BNIP3: variants seen among roughly 807,000 people sequenced by gnomAD.
BNIP3 encodes BCL2 interacting protein 3, also known as BCL2/adenovirus E1B 19 kDa protein-interacting protein 3.
Under a neutral mutation model 23.9 loss-of-function variants are expected in BNIP3, and 16 were observed. That is an observed-to-expected ratio of 0.67 (90% CI 0.45 to 1.01). The LOEUF is 1.01. Ranked by LOEUF, BNIP3 falls within the 50% of genes least tolerant of loss-of-function variation. BNIP3 has a pLI of 0.00. For missense variants in BNIP3, 198 were observed against 248.7 expected (o/e 0.80, Z 1.37); for synonymous variants, 81 against 89.3 (o/e 0.91, Z 0.53).
Position 131,975,187 on chromosome 10 carries a change from C to T in BNIP3, c.47-1244G>A, listed in dbSNP as rs569322940. ...GATTAATTTTCCCATTGATGTGAGA[C>T]GGATGCCCCATTTACTGCAGACAGC... On this transcript the variant is annotated intron_variant, in intron 1 of 5. Transcript: ENST00000368636. Among the ~76,000 whole-genome samples, 18 of 152,332 alleles carry T rather than the reference C, an allele frequency of 1.2e-4. 1 individual carries two copies. Among genetic ancestry groups the T allele is most frequent in the Admixed American group, 3.9e-4 (6 of 15,304 alleles).
At chr10:131,968,704 T>C (rs1235930986) in intron 5 of BNIP3, 135 bp from the exon 6 acceptor site, 12 of 644,492 alleles carry the variant, frequency 1.9e-5, no homozygotes, top group Non-Finnish European at 3.0e-5. Context: ...TATAAAAATT[T>C]TGTAATGAAT....
In BNIP3 at chr10:131,973,057, T is replaced by C; in HGVS notation, c.259A>G (p.Ile87Val). 6.2e-7 allele frequency: 1 copy of C among 1,613,808 alleles called. No individual in the cohort carries two copies. The highest frequency in any genetic ancestry group is 1.1e-5 in the South Asian group (1 of 91,090). The part of the protein sequence containing the change: ...NRASETDTHS[I>V]GEKNSSQSEE... ...ACCTGTGAGCTGTTTTTCTCTCCAA[T>C]GCTATGGGTATCTGTTTCAGAAGCT... Residue 87 changes from isoleucine to valine, a missense_variant, in exon 3 of 6, where the codon ATT (isoleucine) becomes GTT (valine). Physicochemically the swap from Ile to Val is conservative, Grantham distance 29. Coordinates refer to ENST00000368636, the MANE Select transcript of BNIP3 (RefSeq NM_004052.4).
intron 3 of BNIP3, 90 bp downstream of exon 3, chr10:131,972,944 T>C: frequency 7.5e-7 from 1 of 1,332,854 alleles, no homozygotes; most frequent in Non-Finnish European, 1.1e-6. Context: ...GCCCGACTTT[T>C]CTCTGAGGTG....
intron 1 of BNIP3, chr10:131,980,873 G>A (rs1475743913): frequency 6.6e-6 from 1 of 152,144 alleles, no homozygotes; most frequent in African/African-American, 2.4e-5. Flanking sequence ...TCCCTCCTCC[G>A]AGGCTTTGGC....
intron 2 of BNIP3, 142 bp downstream of exon 2, chr10:131,973,651 T>G: frequency 8.7e-7 from 1 of 1,153,350 alleles, no homozygotes. Context: ...AAGGACGGAC[T>G]GCAGCAGGAG....
chr10:131,980,594 T>TA (rs34669061), intron 1 of BNIP3: 19,885 of 137,250 alleles, frequency 0.14, 1,424 homozygotes, highest in African/African-American at 0.17. Flanking sequence ...AAAAAAAAGG[T>TA]AAAAAAAAAA....
chr10:131,979,447 G>C (rs1031876215), intron 1 of BNIP3, among the ~76,000 whole-genome samples: 5 of 152,202 alleles, frequency 3.3e-5, no homozygotes, highest in Non-Finnish European at 7.3e-5. Flanking sequence ...GCCCTCCAGA[G>C]TAAATGGGCA....
Position 131,968,537 on chromosome 10 carries a change from G to A in BNIP3, c.572C>T (p.Thr191Ile), listed in dbSNP as rs770521693. The A allele has an allele frequency of 6.2e-7, 1 of 1,601,148 alleles. No individual in the cohort carries two copies. Among genetic ancestry groups the A allele is most frequent in the Non-Finnish European group, 8.6e-7 (1 of 1,168,720 alleles). ...TCCAGTTCTTCATCAAAAGGTGCTGGTGGAGGTTGTCAGACGCCTTCCAAT... is the reference window on the plus strand; with the variant it reads ...TCCAGTTCTTCATCAAAAGGTGCTGATGGAGGTTGTCAGACGCCTTCCAAT... ...IYIGRRLTTS[T>I]STF The change falls in exon 6 of 6, where the codon ACC becomes ATC. Residue 191 changes from threonine (T) to isoleucine (I), a missense_variant. Coordinates refer to ENST00000368636, the MANE Select transcript of BNIP3 (RefSeq NM_004052.4).
At chr10:131,978,463 G>A (rs2037096047) in intron 1 of BNIP3, among the ~76,000 whole-genome samples, 1 of 151,834 alleles carries the variant, frequency 6.6e-6, no homozygotes, top group Non-Finnish European at 1.5e-5. Context: ...AGACTCCAGG[G>A]AATCCCTTCG....
chr10:131,974,000 C>G, intron 1 of BNIP3, 57 bp from the exon 2 acceptor site: 1 of 1,599,342 alleles, frequency 6.3e-7, no homozygotes, highest in Non-Finnish European at 8.5e-7. Flanking sequence ...CTGGAATCTG[C>G]TCTTGATATC....
chr10:131,970,860 T>G lies in BNIP3; in HGVS notation c.389+4A>C. ...TGCCCCCGTGACACTGAGAACACAC[T>G]CACTTGGGGGGAATATTTTCCGGCC... On this transcript the variant is annotated splice_donor_region_variant and intron_variant, in intron 4 of 5. Transcript: ENST00000368636. This position sits in a 1 kb window ranked among gnomAD's most constrained non-coding sequence, Gnocchi z 4.1. The G allele has an allele frequency of 1.1e-5, 17 of 1,614,222 alleles. No homozygotes were observed. Among genetic ancestry groups the G allele is most frequent in the Non-Finnish European group, 1.4e-5 (17 of 1,180,030 alleles).
At chr10:131,973,242 G>A (rs1003192626) in intron 2 of BNIP3, 124 bp from the exon 3 acceptor site, 14 of 961,684 alleles carry the variant, frequency 1.5e-5, no homozygotes, top group South Asian at 4.2e-5. Context: ...CAGCGTACGC[G>A]TCTTCCCTTC....
chr10:131,971,119 C>T, intron 3 of BNIP3, 149 bp from the exon 4 acceptor site: 1 of 730,778 alleles, frequency 1.4e-6, no homozygotes, highest in Non-Finnish European at 2.2e-6. Flanking sequence ...CAAGGGGAGT[C>T]CTGGGGCTGG....
At chr10:131,974,006 A>T in intron 1 of BNIP3, 63 bp from the exon 2 acceptor site, 1 of 1,593,492 alleles carries the variant, frequency 6.3e-7, no homozygotes, top group South Asian at 1.1e-5. Flanking sequence ...TCTGCTCTTG[A>T]TATCTAACCA....
intron 2 of BNIP3, chr10:131,973,579 A>G (rs973600019): frequency 2.0e-5 from 12 of 611,290 alleles, no homozygotes; most frequent in Admixed American, 3.0e-5. Flanking sequence ...TGACTTGAAC[A>G]TGGCTCCCCA....
chr10:131,975,981 C>T (rs1456436984), intron 1 of BNIP3, among the ~76,000 whole-genome samples: 1 of 152,194 alleles, frequency 6.6e-6, no homozygotes, highest in Non-Finnish European at 1.5e-5. Context: ...CTGAGATGTA[C>T]AGACCACACC....
chr10:131,970,691 C>G lies in BNIP3; in HGVS notation c.486G>C (p.Leu162=). The part of the protein sequence containing the change: ...KKGGIFSAEF[L]KVFLPSLLLS... ...GCAGCAGAGATGGAAGGAAAACTTT[C>G]AGAAATTCTGCAGAGAATATGCCCC... The change falls in exon 5 of 6, where the codon CTG becomes CTC. Residue 162 remains leucine (L), a synonymous_variant. Transcript: ENST00000368636. This position sits in a 1 kb window ranked among gnomAD's most constrained non-coding sequence, Gnocchi z 4.1. 3.1e-6 allele frequency: 5 copies of G among 1,614,188 alleles called. No individual in the cohort carries two copies. The Middle Eastern group carries it at 8.2e-4, about 266-fold the overall frequency.
rs886724386 is a variant in BNIP3 at position 131,980,632 on chromosome 10, T to C, written c.46+1129A>G. The C allele has an allele frequency of 7.3e-5, 11 of 151,258 alleles. No individual in the cohort carries two copies. In the Middle Eastern group the frequency reaches 0.017, roughly 234 times the overall value. 9.4% of individuals were successfully genotyped at this position (151,258 alleles called of 1,614,324 possible). Reference sequence around the variant, plus strand: ...CTTGTAGTGTTCATATGTATATATATATATTATTCAATATATTACGGTAAC... The same window carrying C: ...CTTGTAGTGTTCATATGTATATATACATATTATTCAATATATTACGGTAAC... On this transcript the variant is annotated intron_variant, in intron 1 of 5. Transcript: ENST00000368636.
At chr10:131,980,154 C>T (rs1027828713) in intron 1 of BNIP3, 7 of 152,266 alleles carry the variant, frequency 4.6e-5, no homozygotes, top group African/African-American at 1.7e-4. Context: ...CCTTGCACTG[C>T]CAATGACTCA....
Sources: allele counts gnomAD v4.1 joint callset (sites outside exome capture counted in the v4.1 genomes callset), GRCh38; gene constraint gnomAD v4.1.1; non-coding constraint Gnocchi (gnomAD v3.1); transcripts MANE v1.5; gene names NCBI Gene and HGNC (gene_info 2026-07-23, HGNC 2026-07-21).